DLG2: variants seen among roughly 807,000 people sequenced by gnomAD.
DLG2 encodes the protein discs large MAGUK scaffold protein 2.
DLG2 carries 45 observed loss-of-function variants against 132.5 expected under a neutral mutation model. The observed-to-expected ratio is 0.34, with a 90% confidence interval of 0.27 to 0.44. DLG2 has a LOEUF of 0.44. Ranked by LOEUF, DLG2 falls within the 20% of genes least tolerant of loss-of-function variation. DLG2 has a pLI of 1.00. For synonymous variants in DLG2, 424 were observed against 419.6 expected, an observed-to-expected ratio of 1.01 and a Z score of -0.13; for missense variants, 1,045 against 1,196.9, an observed-to-expected ratio of 0.87 and a Z score of 1.87.
chr11:84,714,647 TTCTCTCTCTCTCTC>T (rs754541162), intron 6 of DLG2, among the ~76,000 whole-genome samples: 3 of 90,648 alleles, frequency 3.3e-5, no homozygotes, highest in South Asian at 3.8e-4. Flanking sequence ...CTCTCTCTCT[TTCTCTCTCTCTCTC>T]TCTCTCTCTC....
chr11:84,135,903 G>T (rs35615041), intron 9 of DLG2, among the ~76,000 whole-genome samples: 1 of 152,036 alleles, frequency 6.6e-6, no homozygotes, highest in East Asian at 1.9e-4. Flanking sequence ...TAGTTAGGTG[G>T]CTGCTCTAAT....
intron 6 of DLG2, among the ~76,000 whole-genome samples, chr11:85,018,823 A>G (rs1021899090): frequency 6.7e-5 from 10 of 149,314 alleles, no homozygotes; most frequent in Non-Finnish European, 1.0e-4. Context: ...TTCCTGGCTT[A>G]ATAAGGACTT....
intron 17 of DLG2, among the ~76,000 whole-genome samples, chr11:83,819,998 C>T (rs1305318314): frequency 1.3e-5 from 2 of 152,228 alleles, no homozygotes; most frequent in Non-Finnish European, 1.5e-5. Context: ...TTGAATTCCA[C>T]TTGAATTCAT....
intron 7 of DLG2, among the ~76,000 whole-genome samples, chr11:84,434,918 G>GAAAAAAAA (rs770101910): frequency 6.3e-5 from 5 of 79,258 alleles, no homozygotes; most frequent in Admixed American, 1.5e-4. Flanking sequence ...GTCACCTACT[G>GAAAAAAAA]AAAAAAAAAA....
At chr11:83,626,751 T>C (rs1301525871) in intron 19 of DLG2, among the ~76,000 whole-genome samples, 1 of 152,206 alleles carries the variant, frequency 6.6e-6, no homozygotes, top group African/African-American at 2.4e-5. Context: ...AGACTTGGAA[T>C]GGCCTACTGT....
chr11:84,925,356 T>C (rs1325803851), intron 6 of DLG2, among the ~76,000 whole-genome samples: 2 of 152,136 alleles, frequency 1.3e-5, no homozygotes, highest in African/African-American at 4.8e-5. Context: ...GGGCTTTAGA[T>C]ACCATTTTAA....
At chr11:84,580,274 T>C (rs1442162042) in intron 6 of DLG2, among the ~76,000 whole-genome samples, 1 of 152,216 alleles carries the variant, frequency 6.6e-6, no homozygotes, top group African/African-American at 2.4e-5. Context: ...AGAAAATGTA[T>C]ATTAAAACAA....
At chr11:83,959,846 A>G (rs1029878927) in intron 14 of DLG2, among the ~76,000 whole-genome samples, 9 of 152,128 alleles carry the variant, frequency 5.9e-5, no homozygotes, top group Non-Finnish European at 1.2e-4. Flanking sequence ...TAATCTGTAA[A>G]AATCAAGAAT....
chr11:85,447,641 A>G (rs1211704342), intron 3 of DLG2, among the ~76,000 whole-genome samples: 1 of 152,166 alleles, frequency 6.6e-6, no homozygotes, highest in East Asian at 1.9e-4. Flanking sequence ...TGAATTTGTG[A>G]TATTTATTAT....
intron 7 of DLG2, among the ~76,000 whole-genome samples, chr11:84,448,624 CTAAA>C (rs1279758218): frequency 4.6e-5 from 7 of 151,960 alleles, no homozygotes; most frequent in Admixed American, 4.6e-4. Context: ...TGAGATGTGG[CTAAA>C]TAAATGTCTA....
chr11:83,521,160 G>C (rs2095470824), intron 21 of DLG2, among the ~76,000 whole-genome samples: 1 of 152,198 alleles, frequency 6.6e-6, no homozygotes, highest in South Asian at 2.1e-4. Context: ...GACCTCCAAA[G>C]AACAGTGTCT....
At chr11:83,601,437 C>T (rs2058520553) in intron 19 of DLG2, among the ~76,000 whole-genome samples, 1 of 151,600 alleles carries the variant, frequency 6.6e-6, no homozygotes, top group African/African-American at 2.4e-5. Context: ...TTTGAACCAC[C>T]TGTTAGCTTC....
At chr11:83,797,579 G>A (rs1298485256) in intron 17 of DLG2, among the ~76,000 whole-genome samples, 1 of 151,928 alleles carries the variant, frequency 6.6e-6, no homozygotes, top group African/African-American at 2.4e-5. Flanking sequence ...GAGTGCAGTG[G>A]TGCTATCTCG....
chr11:84,599,123 TA>T (rs1428214460), intron 6 of DLG2, among the ~76,000 whole-genome samples: 1 of 152,084 alleles, frequency 6.6e-6, no homozygotes, highest in Non-Finnish European at 1.5e-5. Context: ...TGCATGCCTG[TA>T]ATTCCAGCTA....
intron 19 of DLG2, among the ~76,000 whole-genome samples, chr11:83,585,477 C>G (rs558426): frequency 0.45 from 69,062 of 152,006 alleles, 16,100 homozygotes; most frequent in Admixed American, 0.56. Context: ...ACCTCAACTA[C>G]TTATACTGGT....
chr11:83,814,331 G>A (rs753311610), intron 17 of DLG2, among the ~76,000 whole-genome samples: 4 of 152,130 alleles, frequency 2.6e-5, no homozygotes, highest in South Asian at 2.1e-4. Flanking sequence ...AAACAGGGCC[G>A]TTACTCTACT....
rs562578586 is a variant in DLG2 at position 85,007,947 on chromosome 11, T to A, written c.357+103714A>T. On this transcript the variant is annotated intron_variant, in intron 6 of 27. Coordinates refer to ENST00000376104, the MANE Select transcript of DLG2 (RefSeq NM_001142699.3). ...GTTGTGTTTCAAAATTCAGAAATAT[T>A]TGGATTTTACAAAGGTTACACATTG... is the stretch of plus-strand genomic sequence containing the variant. 3.3e-5 allele frequency among the ~76,000 whole-genome samples: 5 copies of A among 152,214 alleles called. No individual in the cohort carries two copies. The East Asian group carries it at 9.7e-4, about 29-fold the overall frequency.
intron 6 of DLG2, among the ~76,000 whole-genome samples, chr11:85,030,805 T>C (rs1219386460): frequency 2.0e-5 from 3 of 152,156 alleles, no homozygotes; most frequent in Non-Finnish European, 4.4e-5. Context: ...CTAGTGTCTT[T>C]TGATTCATTT....
chr11:84,097,591 C>T (rs2097183136), intron 10 of DLG2, among the ~76,000 whole-genome samples: 1 of 152,186 alleles, frequency 6.6e-6, no homozygotes, highest in Non-Finnish European at 1.5e-5. Context: ...CTCTTCCTTA[C>T]AGTCATTAAC....
Sources: allele counts gnomAD v4.1 joint callset (sites outside exome capture counted in the v4.1 genomes callset), GRCh38; gene constraint gnomAD v4.1.1; transcripts MANE v1.5; gene names NCBI Gene and HGNC (gene_info 2026-07-23, HGNC 2026-07-21).